Variants in MAPK8 observed in about 807,000 individuals in gnomAD.
MAPK8 encodes the protein mitogen-activated protein kinase 8, also known as JUN N-terminal kinase.
A neutral mutation model predicts 52.9 loss-of-function variants in MAPK8; 13 were observed. The ratio of observed to expected loss-of-function variants is 0.25; its 90% CI spans 0.16 to 0.39. MAPK8 has a LOEUF of 0.39. Among genes scored for constraint, MAPK8 ranks in the 10% least tolerant of loss-of-function variants. MAPK8 has a pLI of 1.00. For missense variants in MAPK8, 300 were observed against 519.2 expected, an observed-to-expected ratio of 0.58 and a Z score of 4.10; for synonymous variants, 191 against 169.8, an observed-to-expected ratio of 1.12 and a Z score of -0.97.
intron 1 of MAPK8, among the ~76,000 whole-genome samples, chr10:48,346,917 C>A (rs1048974272): frequency 6.6e-6 from 1 of 152,184 alleles, no homozygotes; most frequent in Non-Finnish European, 1.5e-5. Flanking sequence ...CGTGACCTTA[C>A]CTATCATTGG....
At chr10:48,384,354 A>C (rs1479194807) in intron 1 of MAPK8, among the ~76,000 whole-genome samples, 1 of 152,254 alleles carries the variant, frequency 6.6e-6, no homozygotes, top group African/African-American at 2.4e-5. Context: ...CTCTCCAGGT[A>C]CAGTGAGGTA....
rs1239604424 is a variant in MAPK8 at position 48,435,683 on chromosome 10, A to G, written c.*654A>G. 1.3e-5 allele frequency: 2 copies of G among 152,224 alleles called. No homozygotes were observed. The highest frequency in any genetic ancestry group is 2.9e-5 in the Non-Finnish European group (2 of 68,048). The allele number at this position is 152,224 out of a possible 1,614,324, so 9.4% of individuals were successfully genotyped here. ...GCCCCGTCATCTAAATGGCAGAATA[A>G]CTCAGAGCATGTCTTTGAAGATGCT... is the stretch of plus-strand genomic sequence containing the variant. On this transcript the variant is annotated 3_prime_UTR_variant, in exon 12 of 12. Transcript: ENST00000374189.
At chr10:48,399,152 G>T (rs369260994) in intron 1 of MAPK8, among the ~76,000 whole-genome samples, 1 of 152,126 alleles carries the variant, frequency 6.6e-6, no homozygotes, top group Non-Finnish European at 1.5e-5. Context: ...ACATCCTGCC[G>T]CTTTCCTTCA....
At chr10:48,382,757 A>T (rs867202692) in intron 1 of MAPK8, among the ~76,000 whole-genome samples, 23 of 147,566 alleles carry the variant, frequency 1.6e-4, no homozygotes, top group South Asian at 4.2e-4. Flanking sequence ...AAAATATTTT[A>T]TATATTTTTT....
At chr10:48,396,467 G>A (rs371902922) in intron 1 of MAPK8, among the ~76,000 whole-genome samples, 7 of 152,284 alleles carry the variant, frequency 4.6e-5, no homozygotes, top group African/African-American at 1.7e-4. Flanking sequence ...AGAATGTAGA[G>A]GAACTAGATC....
chr10:48,353,400 G>A (rs947555704), intron 1 of MAPK8, among the ~76,000 whole-genome samples: 1 of 152,202 alleles, frequency 6.6e-6, no homozygotes, highest in Non-Finnish European at 1.5e-5. Context: ...ACATAGGTCA[G>A]TGGAACAGAC....
At chr10:48,427,385 T>C in intron 10 of MAPK8, 1 of 395,516 alleles carries the variant, frequency 2.5e-6, no homozygotes. Flanking sequence ...TTTTCCATGG[T>C]TTGTGAATAC....
intron 1 of MAPK8, chr10:48,307,290 T>C (rs1198970442): frequency 1.3e-5 from 2 of 152,308 alleles, no homozygotes; most frequent in South Asian, 2.1e-4. Context: ...CCCGCGCCCA[T>C]AGGGACCGTA....
chr10:48,431,513 CTT>C (rs1344842090), intron 11 of MAPK8, among the ~76,000 whole-genome samples: 8 of 152,228 alleles, frequency 5.3e-5, no homozygotes, highest in South Asian at 2.1e-4. Flanking sequence ...AATTTAAAAA[CTT>C]TTTGTTGGCA....
chr10:48,428,654 TAG>T (rs1423377044), intron 10 of MAPK8, among the ~76,000 whole-genome samples: 3 of 152,352 alleles, frequency 2.0e-5, no homozygotes, highest in East Asian at 1.9e-4. Context: ...TAAAATTGGA[TAG>T]AGTCTGCTGC....
chr10:48,336,137 T>G (rs1327756648), intron 1 of MAPK8, among the ~76,000 whole-genome samples: 2 of 152,268 alleles, frequency 1.3e-5, no homozygotes, highest in East Asian at 3.9e-4. Flanking sequence ...ATAGTAAGAT[T>G]GTTAAATTTC....
chr10:48,427,054 G>A, intron 9 of MAPK8, 26 bp from the exon 10 acceptor site: 2 of 1,584,042 alleles, frequency 1.3e-6, no homozygotes, highest in Non-Finnish European at 1.7e-6. Context: ...ATACTGACTT[G>A]GTTATTATTG....
intron 5 of MAPK8, among the ~76,000 whole-genome samples, chr10:48,417,897 A>G (rs1300799305): frequency 2.0e-5 from 3 of 152,208 alleles, no homozygotes; most frequent in African/African-American, 7.2e-5. Context: ...GTAGCTACCA[A>G]CACAAACTAC....
rs754418324 is a variant in MAPK8 at position 48,324,392 on chromosome 10, C to CGA, written c.-50+17571_-50+17572insGA. The stretch of plus-strand genomic sequence containing the variant: ...TCCATCTTATTCTGCCCCTCTCCTC[C>CGA]AAAAAGGTCAACTTGTAACTGCTTT... On this transcript the variant is annotated intron_variant, in intron 1 of 11. Transcript: ENST00000374189. Among the ~76,000 whole-genome samples the CGA allele has an allele frequency of 2.0e-5, 3 of 152,100 alleles. No homozygotes were observed. The South Asian group carries it at 6.2e-4, about 32-fold the overall frequency.
chr10:48,330,959 C>T (rs150544265), intron 1 of MAPK8, among the ~76,000 whole-genome samples: 12 of 152,136 alleles, frequency 7.9e-5, no homozygotes, highest in South Asian at 2.1e-4. Context: ...ATTTGTTTCT[C>T]GGTCTAGAAT....
intron 1 of MAPK8, among the ~76,000 whole-genome samples, chr10:48,369,807 G>C (rs528510855): frequency 2.6e-5 from 4 of 152,272 alleles, no homozygotes; most frequent in African/African-American, 9.6e-5. Context: ...TGTGGTGAAA[G>C]TGTCAGGTGC....
chr10:48,410,167 G>T lies in MAPK8; in HGVS notation c.449G>T (p.Arg150Leu). 1 of 1,516,450 alleles carries T rather than the reference G, an allele frequency of 6.6e-7. No individual in the cohort carries two copies. Among genetic ancestry groups the T allele is most frequent in the Non-Finnish European group, 8.8e-7 (1 of 1,135,176 alleles). 93.9% of individuals were successfully genotyped at this position (1,516,450 alleles called of 1,614,324 possible). The change falls in exon 5 of 12, where the codon CGG (arginine) becomes CTG (leucine). Residue 150 changes from arginine to leucine, a missense_variant and splice_region_variant. Physicochemically the swap from Arg to Leu is moderately radical, Grantham distance 102. Transcript: ENST00000374189. ...KHLHSAGIIH[R>L]DLKPSNIVVK... ...CTTCATTCTGCTGGAATTATTCATC[G>T]GGTTAGTAGAAGAAACTATCGTCAT...
Position 48,438,648 on chromosome 10 carries a change from A to G in MAPK8, c.*3619A>G, listed in dbSNP as rs912604588. ...TTGAACTACCTCACACTAATTTTCT[A>G]TGCTTTCCCAAGTAAGCTGTTGCCC... On this transcript the variant is annotated 3_prime_UTR_variant, in exon 12 of 12. Transcript: ENST00000374189. 2.0e-4 allele frequency: 31 copies of G among 152,232 alleles called. No individual in the cohort carries two copies. Among genetic ancestry groups the G allele is most frequent in the Admixed American group, 1.6e-3 (24 of 15,280 alleles). The allele number at this position is 152,232 out of a possible 1,614,324, so 9.4% of individuals were successfully genotyped here.
Position 48,404,986 on chromosome 10 carries a change from G to A in MAPK8, c.252+5G>A. The A allele has an allele frequency of 2.5e-6, 4 of 1,591,686 alleles. No individual in the cohort carries two copies. Among genetic ancestry groups the A allele is most frequent in the Non-Finnish European group, 3.4e-6 (4 of 1,170,316 alleles). ...AAATGTGTTAATCACAAAAATGTAA[G>A]TGAACATTTTTGGTTTCCTAAGTAT... On this transcript the variant is annotated splice_donor_5th_base_variant and intron_variant, in intron 3 of 11. Transcript: ENST00000374189.
Sources: gnomAD v4.1 joint callset for allele counts (sites outside exome capture counted in the v4.1 genomes callset) on GRCh38, gnomAD v4.1.1 for gene constraint, MANE v1.5 for transcripts, NCBI Gene and HGNC (gene_info 2026-07-23, HGNC 2026-07-21) for gene names.